The following JAKMIP3 variants were observed in gnomAD, a reference collection of about 807,000 sequenced individuals.
JAKMIP3 encodes the protein janus kinase and microtubule-interacting protein 3.
A neutral mutation model predicts 118.5 loss-of-function variants in JAKMIP3; 58 were observed. That is an observed-to-expected ratio of 0.49 (90% CI 0.40 to 0.61). The LOEUF (loss-of-function observed/expected upper bound fraction) is 0.61. Ranked by LOEUF, JAKMIP3 falls within the 20% of genes least tolerant of loss-of-function variation. JAKMIP3 has a pLI of 0.00. For synonymous variants in JAKMIP3, 486 were observed against 451.2 expected (o/e 1.08, Z -0.98); for missense variants, 950 against 1,109.0 (o/e 0.86, Z 2.04).
rs1298823364 is a variant in JAKMIP3 at position 132,168,063 on chromosome 10, G to A, written c.*133G>A. The A allele has an allele frequency of 1.9e-5, 25 of 1,289,446 alleles. No homozygotes were observed. Among genetic ancestry groups the A allele is most frequent in the Middle Eastern group, 2.1e-4 (1 of 4,718 alleles). 79.9% of individuals were successfully genotyped at this position (1,289,446 alleles called of 1,614,324 possible). ...AGGGAGATTTGGTCTCTGCACGCCC[G>A]TCCCGTGGAGGAAGAGTGAGAAGGG... On this transcript the variant is annotated 3_prime_UTR_variant, in exon 23 of 24. Coordinates refer to ENST00000684848, the MANE Select transcript of JAKMIP3 (RefSeq NM_001323087.2).
At chr10:132,048,209 G>T (rs1172081737) in intron 1 of JAKMIP3, among the ~76,000 whole-genome samples, 1 of 152,246 alleles carries the variant, frequency 6.6e-6, no homozygotes, top group Non-Finnish European at 1.5e-5. Context: ...CGGGGAAGGG[G>T]CTTCCTTTTG....
At chr10:132,128,673 C>T (rs1183308514) in intron 3 of JAKMIP3, among the ~76,000 whole-genome samples, 1 of 152,114 alleles carries the variant, frequency 6.6e-6, no homozygotes, top group Non-Finnish European at 1.5e-5. Context: ...GTCCAGTCTG[C>T]TTTTAAACCT....
chr10:132,184,612 C>G lies in JAKMIP3; in HGVS notation c.*3359C>G, dbSNP rs1045828288. ...TAGTGTGTGTATTCTCCCAGGCACT[C>G]CCTTCATAGTCACCCTCTAACCACG... On this transcript the variant is annotated 3_prime_UTR_variant, in exon 24 of 24. Transcript: ENST00000684848. The G allele has an allele frequency of 7.2e-5, 11 of 152,174 alleles. No individual in the cohort carries two copies. The highest frequency in any genetic ancestry group is 4.6e-4 in the Admixed American group (7 of 15,282). The allele number at this position is 152,174 out of a possible 1,614,324, so 9.4% of individuals were successfully genotyped here.
chr10:132,057,940 C>T (rs1190091735), intron 1 of JAKMIP3, among the ~76,000 whole-genome samples: 2 of 152,212 alleles, frequency 1.3e-5, no homozygotes, highest in African/African-American at 4.8e-5. Flanking sequence ...AGACAGGGTT[C>T]GGGTGACACT....
intron 23 of JAKMIP3, among the ~76,000 whole-genome samples, chr10:132,180,712 T>TGTGTGCGC (rs2061127559): frequency 1.9e-4 from 5 of 26,536 alleles, no homozygotes; most frequent in Admixed American, 4.4e-4. Flanking sequence ...TGTGTGCGCG[T>TGTGTGCGC]GTGTGTGCGT....
chr10:132,184,318 C>T lies in JAKMIP3; in HGVS notation c.*3065C>T, dbSNP rs975058145. On this transcript the variant is annotated 3_prime_UTR_variant, in exon 24 of 24. Coordinates refer to ENST00000684848, the MANE Select transcript of JAKMIP3 (RefSeq NM_001323087.2). The stretch of plus-strand genomic sequence containing the variant: ...AGTGCCTTACAGGGCTTGTGAACAC[C>T]GATACTAGAAGTCAAAAAGAAGAGA... 2 of 152,136 alleles carry T rather than the reference C, an allele frequency of 1.3e-5. No individual in the cohort carries two copies. The highest frequency in any genetic ancestry group is 2.4e-5 in the African/African-American group (1 of 41,404). 9.4% of individuals were successfully genotyped at this position (152,136 alleles called of 1,614,324 possible). A position where few individuals can be genotyped will look rare whatever the true frequency, so the allele number is the denominator to read the frequency against.
intron 1 of JAKMIP3, among the ~76,000 whole-genome samples, chr10:132,074,377 CTA>C (rs1037058397): frequency 1.9e-4 from 29 of 152,268 alleles, no homozygotes; most frequent in African/African-American, 6.7e-4. Flanking sequence ...TTAATAATAG[CTA>C]TTCTGACTGG....
At chr10:132,159,681 T>TGTGTG (rs1431386380) in intron 19 of JAKMIP3, among the ~76,000 whole-genome samples, 16 of 105,268 alleles carry the variant, frequency 1.5e-4, no homozygotes, top group African/African-American at 5.4e-4. Context: ...GTCCTCTCCC[T>TGTGTG]ATGTGATGCT....
upstream of JAKMIP3, among the ~76,000 whole-genome samples, chr10:132,064,710 C>T (rs1366016436): frequency 1.3e-5 from 2 of 152,170 alleles, no homozygotes; most frequent in Non-Finnish European, 2.9e-5. The surrounding 1 kb of genome is among the most constrained non-coding windows in gnomAD (Gnocchi z 4.4). Context: ...TTTGGCCAGA[C>T]GTGTGGCCAT....
Position 132,085,587 on chromosome 10 carries a change from G to A in JAKMIP3, c.-137-19085G>A, listed in dbSNP as rs561968626. ...GCGATCTTGGCTCACTGCAACCTCC[G>A]CTTCCTGGGTTCAAGCGATTCTTCT... On this transcript the variant is annotated intron_variant, in intron 1 of 23. Transcript: ENST00000684848. 2.5e-3 allele frequency among the ~76,000 whole-genome samples: 379 copies of A among 150,896 alleles called. 3 individuals are homozygous for A. Among genetic ancestry groups the A allele is most frequent in the South Asian group, 0.019 (90 of 4,766 alleles).
At chr10:132,126,067 G>A (rs1001281497) in intron 3 of JAKMIP3, among the ~76,000 whole-genome samples, 1 of 152,084 alleles carries the variant, frequency 6.6e-6, no homozygotes, top group African/African-American at 2.4e-5. Context: ...ACCTCATCCC[G>A]AAGACAGTTT....
chr10:132,168,950 G>A lies in JAKMIP3; in HGVS notation c.*1020G>A, dbSNP rs570700095. ...AGCAGCCCAGGTGGGGATGGCGGGCGCAAGAAGGGAACCGCGGGGACGGCC... is the reference window on the plus strand; with the variant it reads ...AGCAGCCCAGGTGGGGATGGCGGGCACAAGAAGGGAACCGCGGGGACGGCC... On this transcript the variant is annotated 3_prime_UTR_variant, in exon 23 of 24. Transcript: ENST00000684848. The A allele has an allele frequency of 3.1e-5, 5 of 159,998 alleles. No individual in the cohort carries two copies. The highest frequency in any genetic ancestry group is 1.2e-4 in the Admixed American group (2 of 17,110). The allele number at this position is 159,998 out of a possible 1,614,324, so 9.9% of individuals were successfully genotyped here.
At chr10:132,180,873 G>A (rs903261810) in intron 23 of JAKMIP3, among the ~76,000 whole-genome samples, 3 of 152,008 alleles carry the variant, frequency 2.0e-5, no homozygotes, top group African/African-American at 7.3e-5. Context: ...TGGTGTCTTT[G>A]GGCATGTGCA....
At position 132,166,927 on chromosome 10, in the gene JAKMIP3, A is replaced by G. The variant is rs2058967639; in HGVS notation, c.2491-56A>G. ...TGTATTTCTTGCCAGAAGCACTACA[A>G]ACTCTTTTTTCTCTTTCTTTCCTTC... On this transcript the variant is annotated intron_variant, in intron 21 of 23. Transcript: ENST00000684848. The G allele has an allele frequency of 4.7e-6, 6 of 1,290,244 alleles. No individual in the cohort carries two copies. In the African/African-American group the frequency reaches 7.4e-5, roughly 16 times the overall value. The allele number at this position is 1,290,244 out of a possible 1,614,324, so 79.9% of individuals were successfully genotyped here.
chr10:132,172,682 C>T (rs1223479237), intron 23 of JAKMIP3, among the ~76,000 whole-genome samples: 5 of 151,904 alleles, frequency 3.3e-5, no homozygotes, highest in Admixed American at 6.6e-5. Context: ...GCCACGGAGC[C>T]TCCAGCGCTC....
chr10:132,180,815 T>C (rs550941322), intron 23 of JAKMIP3, among the ~76,000 whole-genome samples: 3 of 146,796 alleles, frequency 2.0e-5, no homozygotes, highest in Admixed American at 6.9e-5. Flanking sequence ...TGGTGTGTTG[T>C]GTATGCATGT....
upstream of JAKMIP3, among the ~76,000 whole-genome samples, chr10:132,064,013 T>C (rs1006484964): frequency 2.0e-5 from 3 of 152,224 alleles, no homozygotes; most frequent in Non-Finnish European, 4.4e-5. This position sits in a 1 kb window ranked among gnomAD's most constrained non-coding sequence, Gnocchi z 4.4. Context: ...TTTTTATGGC[T>C]GACTTTAAAA....
At chr10:132,148,304 G>T (rs1338706437) in intron 14 of JAKMIP3, among the ~76,000 whole-genome samples, 1 of 152,202 alleles carries the variant, frequency 6.6e-6, no homozygotes, top group Non-Finnish European at 1.5e-5. Context: ...GAAGGATGAG[G>T]CCAGCCGCCC....
At chr10:132,137,330 C>A in intron 8 of JAKMIP3, 41 bp downstream of exon 8, 1 of 1,612,486 alleles carries the variant, frequency 6.2e-7, no homozygotes, top group Non-Finnish European at 8.5e-7. Context: ...CCTCCGCTCC[C>A]CACGCAGTTG....
Sources: gnomAD v4.1 joint callset for allele counts (sites outside exome capture counted in the v4.1 genomes callset) on GRCh38, gnomAD v4.1.1 for gene constraint, Gnocchi (gnomAD v3.1) non-coding constraint, MANE v1.5 for transcripts, NCBI Gene and HGNC (gene_info 2026-07-23, HGNC 2026-07-21) for gene names.